GP2: variants seen among roughly 807,000 people sequenced by gnomAD.
GP2 encodes the protein pancreatic secretory granule membrane major glycoprotein GP2.
GP2 carries 58 observed loss-of-function variants against 60.8 expected under a neutral mutation model. That is an observed-to-expected ratio of 0.95 (90% confidence interval 0.77 to 1.19). The LOEUF (loss-of-function observed/expected upper bound fraction) is 1.19. Ranked by LOEUF, GP2 falls within the 50% of genes most tolerant of loss-of-function variation. The pLI is 0.00. For synonymous variants in GP2, 280 were observed against 253.4 expected (o/e 1.10, Z -1.00); for missense variants, 647 against 667.4 (o/e 0.97, Z 0.34).
intron 4 of GP2, among the ~76,000 whole-genome samples, chr16:20,320,975 G>A (rs963856100): frequency 1.3e-5 from 2 of 151,770 alleles, no homozygotes; most frequent in African/African-American, 4.8e-5. Context: ...CTAATAGGAA[G>A]ACAGTTTCTA....
In GP2 at chr16:20,322,030, G is replaced by C. The variant is rs370381882; in HGVS notation, c.646+839C>G. 1.9e-4 allele frequency among the ~76,000 whole-genome samples: 29 copies of C among 152,340 alleles called. 1 individual carries two copies. The South Asian group carries it at 6.0e-3, about 32-fold the overall frequency. ...AGAAAGAGTCTTCAAGGAGATCAAG[G>C]TTGTTGGTTGTTCCCTACCCCTCAT... is the stretch of plus-strand genomic sequence containing the variant. On this transcript the variant is annotated intron_variant, in intron 4 of 10. Coordinates refer to ENST00000302555, the MANE Select transcript of GP2 (RefSeq NM_001502.4).
intron 9 of GP2, among the ~76,000 whole-genome samples, chr16:20,315,540 T>TA (rs1964138547): frequency 1.3e-5 from 2 of 152,158 alleles, no homozygotes; most frequent in South Asian, 4.2e-4. Flanking sequence ...GCCTCACCCA[T>TA]AAGGAACTGA....
chr16:20,317,318 T>G lies in GP2; in HGVS notation c.1311A>C (p.Glu437Asp). ...TGAACATCTGAACTGAGAACCGGCT[T>G]TCCGAGGACTGCCCATTCTCCTCCA... ...IHVEENGQSS[E>D]SRFSVQMFMF... The change falls in exon 8 of 11, where the codon GAA becomes GAC. Residue 437 changes from glutamate (E) to aspartate (D), a missense_variant. Glu to Asp is a conservative substitution (Grantham distance 45, BLOSUM62 2). Transcript: ENST00000302555. The G allele has an allele frequency of 6.2e-7, 1 of 1,613,600 alleles. No individual in the cohort carries two copies. The highest frequency in any genetic ancestry group is 8.5e-7 in the Non-Finnish European group (1 of 1,179,538).
At chr16:20,315,593 A>G (rs144411919) in intron 9 of GP2, among the ~76,000 whole-genome samples, 2 of 152,330 alleles carry the variant, frequency 1.3e-5, no homozygotes, top group East Asian at 3.9e-4. Flanking sequence ...AAAAGGCCAC[A>G]TGTTTTGGAA....
chr16:20,322,334 G>C (rs1311225272), intron 4 of GP2, among the ~76,000 whole-genome samples: 1 of 152,062 alleles, frequency 6.6e-6, no homozygotes, highest in Non-Finnish European at 1.5e-5. Context: ...CCTACCCATG[G>C]GACATCTCAC....
Position 20,310,083 on chromosome 16 carries a change from T to A in GP2, c.*1140A>T, listed in dbSNP as rs1427441957. On this transcript the variant is annotated 3_prime_UTR_variant, in exon 11 of 11. Coordinates refer to ENST00000302555, the MANE Select transcript of GP2 (RefSeq NM_001502.4). ...ATGCCTGTGTATGTGTGATGCCCTATTTGCTGCATCTGTGTCGGGTGCTTT... is the reference window on the plus strand; with the variant it reads ...ATGCCTGTGTATGTGTGATGCCCTAATTGCTGCATCTGTGTCGGGTGCTTT... 1 of 152,208 alleles carries A rather than the reference T, an allele frequency of 6.6e-6. No individual in the cohort carries two copies. Among genetic ancestry groups the A allele is most frequent in the Non-Finnish European group, 1.5e-5 (1 of 68,052 alleles). The allele number at this position is 152,208 out of a possible 1,614,324, so 9.4% of individuals were successfully genotyped here.
intron 9 of GP2, 112 bp downstream of exon 9, chr16:20,315,844 C>T: frequency 2.8e-6 from 2 of 726,144 alleles, no homozygotes; most frequent in Non-Finnish European, 5.1e-6. Flanking sequence ...CAGTAAGGGT[C>T]AGACTGAGGT....
chr16:20,322,878 T>C lies in GP2; in HGVS notation c.637A>G (p.Asn213Asp). The C allele has an allele frequency of 6.3e-7, 1 of 1,582,028 alleles. No individual in the cohort carries two copies. Among genetic ancestry groups the C allele is most frequent in the East Asian group, 2.2e-5 (1 of 44,736 alleles). The change falls in exon 4 of 11, where the codon AAT (asparagine) becomes GAT (aspartate). Residue 213 changes from asparagine to aspartate, a missense_variant. Transcript: ENST00000302555. Reference sequence around the variant, plus strand: ...CCAGTGAGCAGCTCACCAGAACTATTGAGGTCCTGTCTGCAGAAACAGCCC... The same window carrying C: ...CCAGTGAGCAGCTCACCAGAACTATCGAGGTCCTGTCTGCAGAAACAGCCC... ...TWGCFCRQDL[N>D]SSDVHSLQPQ... is the part of the protein sequence containing the mutation.
At chr16:20,315,272 GTAT>G (rs1196816422) in intron 9 of GP2, among the ~76,000 whole-genome samples, 2 of 152,144 alleles carry the variant, frequency 1.3e-5, no homozygotes, top group African/African-American at 4.8e-5. Flanking sequence ...CACAAAGAAA[GTAT>G]TATTATTACC....
At position 20,320,370 on chromosome 16, in the gene GP2, A is replaced by G. The variant is rs2141603188; in HGVS notation, c.750T>C (p.Ile250=). Residue 250 remains isoleucine, a synonymous_variant, in exon 5 of 11, where the codon ATT becomes ATC. Transcript: ENST00000302555. ...TGCAGTTTGGGTCTCGCAGGTAGGC[A>G]ATGACCTCCTCCCCCAAACCCAGGC... ...LGGLGLGEEV[I]AYLRDPNCSS... is the part of the protein sequence containing the mutation. The G allele has an allele frequency of 6.2e-7, 1 of 1,613,704 alleles. No homozygotes were observed. The highest frequency in any genetic ancestry group is 8.5e-7 in the Non-Finnish European group (1 of 1,179,624).
chr16:20,317,948 T>C (rs1410762930), intron 7 of GP2, among the ~76,000 whole-genome samples: 2 of 152,170 alleles, frequency 1.3e-5, no homozygotes, highest in Non-Finnish European at 2.9e-5. Flanking sequence ...TTTTGAACAA[T>C]CAGCCTGTTG....
At position 20,310,464 on chromosome 16, in the gene GP2, A is replaced by G. The variant is rs1472035870; in HGVS notation, c.*759T>C. ...CCCATGGCAATTTTTGGAAACCATG[A>G]TAGAAACAATCAGAGGAAGCAGAGT... On this transcript the variant is annotated 3_prime_UTR_variant, in exon 11 of 11. Coordinates refer to ENST00000302555, the MANE Select transcript of GP2 (RefSeq NM_001502.4). 6.6e-6 allele frequency: 1 copy of G among 152,232 alleles called. No individual in the cohort carries two copies. The highest frequency in any genetic ancestry group is 2.4e-5 in the African/African-American group (1 of 41,444). The allele number at this position is 152,232 out of a possible 1,614,324, so 9.4% of individuals were successfully genotyped here. A position where few individuals can be genotyped will look rare whatever the true frequency, so the allele number is the denominator to read the frequency against.
chr16:20,314,413 G>A (rs1156771027), intron 10 of GP2, among the ~76,000 whole-genome samples: 1 of 151,846 alleles, frequency 6.6e-6, no homozygotes, highest in Non-Finnish European at 1.5e-5. Context: ...AGGCACCTGG[G>A]CTGTTTTGTT....
chr16:20,319,637 G>A lies in GP2; in HGVS notation c.990C>T (p.Ala330=). 6.2e-7 allele frequency: 1 copy of A among 1,612,714 alleles called. No homozygotes were observed. The highest frequency in any genetic ancestry group is 8.5e-7 in the Non-Finnish European group (1 of 1,178,798). ...TGCCATACCTTACAATGGGCTGCAA[G>A]GCAGCTTGGAGGCTGACTTTCATGT... ...PLDMKVSLQA[A]LQPIVSSLNV... is the part of the protein sequence containing the mutation. Residue 330 remains alanine (A), a synonymous_variant, in exon 6 of 11, where the codon GCC becomes GCT. Transcript: ENST00000302555.
rs113632058 is a variant in GP2, at chr16:20,318,179, C to A, written c.1253+6G>T. The A allele has an allele frequency of 3.7e-6, 6 of 1,611,972 alleles. No individual in the cohort carries two copies. The East Asian group carries it at 1.1e-4, about 30-fold the overall frequency. On this transcript the variant is annotated splice_donor_region_variant and intron_variant, in intron 7 of 10. Transcript: ENST00000302555. ...GCCAAATGATAATTCCAGAATTGCT[C>A]GTTACCTGTTTCTGATGATGAAATA...
At chr16:20,312,348 A>G (rs1017673743) in intron 10 of GP2, among the ~76,000 whole-genome samples, 5 of 152,240 alleles carry the variant, frequency 3.3e-5, no homozygotes, top group African/African-American at 1.2e-4. Context: ...GAAATATCAT[A>G]AATTTCAGAA....
chr16:20,318,450 A>G lies in GP2; in HGVS notation c.1008-20T>C, dbSNP rs1358823724. 6.2e-7 allele frequency: 1 copy of G among 1,609,218 alleles called. No individual in the cohort carries two copies. Among genetic ancestry groups the G allele is most frequent in the South Asian group, 1.1e-5 (1 of 90,834 alleles). On this transcript the variant is annotated intron_variant, in intron 6 of 10. Coordinates refer to ENST00000302555, the MANE Select transcript of GP2 (RefSeq NM_001502.4). ...AGGGAACTGAGAAAAAGAAAGCCACAAGAGTGGAAACCTCAGAGAACAACA... is the reference window on the plus strand; with the variant it reads ...AGGGAACTGAGAAAAAGAAAGCCACGAGAGTGGAAACCTCAGAGAACAACA...
intron 6 of GP2, 54 bp from the exon 7 acceptor site, chr16:20,318,484 G>T: frequency 6.4e-7 from 1 of 1,558,206 alleles, no homozygotes; most frequent in Non-Finnish European, 8.8e-7. Flanking sequence ...CATAAATCAA[G>T]CCCTGCACTT....
intron 9 of GP2, 41 bp from the exon 10 acceptor site, chr16:20,314,742 C>G: frequency 7.4e-7 from 1 of 1,349,328 alleles, no homozygotes; most frequent in Non-Finnish European, 1.1e-6. Flanking sequence ...CTCAGTCATG[C>G]TCCAGTGACT....
Sources: gnomAD v4.1 joint callset for allele counts (sites outside exome capture counted in the v4.1 genomes callset) on GRCh38, gnomAD v4.1.1 for gene constraint, MANE v1.5 for transcripts, NCBI Gene and HGNC (gene_info 2026-07-23, HGNC 2026-07-21) for gene names.